Variants in C1orf141 observed in about 807,000 individuals in gnomAD.
The protein encoded by C1orf141 is uncharacterized protein C1orf141.
In C1orf141, 19 loss-of-function variants were observed where a neutral mutation model predicts 23.2. That is an observed-to-expected ratio of 0.82 (90% confidence interval 0.57 to 1.20). The LOEUF (loss-of-function observed/expected upper bound fraction) is 1.20, where lower values mean the gene tolerates loss of function less well. Ranked by LOEUF, C1orf141 falls within the 50% of genes most tolerant of loss-of-function variation. C1orf141 has a pLI of 0.00. For synonymous variants in C1orf141, 153 were observed against 154.6 expected, an observed-to-expected ratio of 0.99 and a Z score of 0.08; for missense variants, 469 against 455.1, an observed-to-expected ratio of 1.03 and a Z score of -0.28.
At chr1:67,101,172 T>C (rs1429865050) in intron 5 of C1orf141, among the ~76,000 whole-genome samples, 1 of 152,110 alleles carries the variant, frequency 6.6e-6, no homozygotes, top group East Asian at 1.9e-4. Context: ...TAGAAAACTG[T>C]ATTTTGTCTC....
At chr1:67,133,789 G>C (rs1386367389) in intron 1 of C1orf141, among the ~76,000 whole-genome samples, 1 of 152,114 alleles carries the variant, frequency 6.6e-6, no homozygotes. Flanking sequence ...CAAGGAGCGA[G>C]GCCTCTGAAG....
intron 5 of C1orf141, among the ~76,000 whole-genome samples, chr1:67,107,636 C>T (rs1645961341): frequency 6.6e-6 from 1 of 152,202 alleles, no homozygotes; most frequent in Admixed American, 6.5e-5. Flanking sequence ...CGCCTGTAAT[C>T]CCCGCACTTT....
At chr1:67,111,696 A>G in intron 5 of C1orf141, 1 of 776,256 alleles carries the variant, frequency 1.3e-6, no homozygotes. Context: ...TTCTAATTAA[A>G]CCCAATCAAC....
At chr1:67,139,824 A>G (rs1207993054), upstream of C1orf141, among the ~76,000 whole-genome samples, 1 of 152,150 alleles carries the variant, frequency 6.6e-6, no homozygotes, top group Non-Finnish European at 1.5e-5. Context: ...TACAGGAAAG[A>G]CCCACTGCAC....
intron 4 of C1orf141, among the ~76,000 whole-genome samples, chr1:67,125,226 C>T (rs910456636): frequency 1.3e-5 from 2 of 151,998 alleles, no homozygotes; most frequent in African/African-American, 4.8e-5. Flanking sequence ...TAAAAATTCA[C>T]AATTGTAATT....
chr1:67,118,496 A>G (rs1646240668), intron 4 of C1orf141, among the ~76,000 whole-genome samples: 1 of 152,130 alleles, frequency 6.6e-6, no homozygotes, highest in South Asian at 2.1e-4. Flanking sequence ...GATTTGCCCC[A>G]TGTCAAATTT....
At chr1:67,119,243 T>C (rs1456308856) in intron 4 of C1orf141, among the ~76,000 whole-genome samples, 1 of 152,158 alleles carries the variant, frequency 6.6e-6, no homozygotes, top group Non-Finnish European at 1.5e-5. Flanking sequence ...TCTGATGAGA[T>C]CTCAGATGGA....
At chr1:67,100,586 C>T (rs1645775242) in intron 5 of C1orf141, among the ~76,000 whole-genome samples, 1 of 152,078 alleles carries the variant, frequency 6.6e-6, no homozygotes, top group Admixed American at 6.6e-5. Context: ...ACAAATTCTG[C>T]CAAAATGTGA....
chr1:67,126,468 T>C (rs1373330207), intron 3 of C1orf141, among the ~76,000 whole-genome samples: 2 of 152,078 alleles, frequency 1.3e-5, no homozygotes, highest in Non-Finnish European at 2.9e-5. Context: ...AGAGCATAGC[T>C]CAAAAGAATA....
intron 4 of C1orf141, among the ~76,000 whole-genome samples, chr1:67,119,103 C>T (rs992957150): frequency 3.3e-5 from 5 of 152,028 alleles, no homozygotes; most frequent in African/African-American, 1.2e-4. Context: ...GCTGACATTG[C>T]CATGAAGGAG....
intron 5 of C1orf141, among the ~76,000 whole-genome samples, chr1:67,096,842 T>C (rs1382406608): frequency 6.6e-6 from 1 of 152,222 alleles, no homozygotes; most frequent in African/African-American, 2.4e-5. Flanking sequence ...TCTAGTGCAG[T>C]ACTTCCCAGT....
At chr1:67,117,727 G>A (rs1646224300) in intron 4 of C1orf141, among the ~76,000 whole-genome samples, 1 of 152,154 alleles carries the variant, frequency 6.6e-6, no homozygotes, top group South Asian at 2.1e-4. Flanking sequence ...TCTTGTTAAG[G>A]AGGTAATATT....
Position 67,096,292 on chromosome 1 carries a change from A to G in C1orf141, c.376T>C (p.Leu126=), listed in dbSNP as rs772634909. ...AQIEKKPRKP[L]DSVGLLEGDR... ...CCTTCTAAGAGACCAACAGAATCCA[A>G]TGGTTTCCTAGGTTTTTTTTCAATT... The change falls in exon 6 of 8, where the codon TTG becomes CTG. Residue 126 remains leucine, a synonymous_variant. Coordinates refer to ENST00000684719, the MANE Select transcript of C1orf141 (RefSeq NM_001276351.2). 1.3e-6 allele frequency: 2 copies of G among 1,535,488 alleles called. No individual in the cohort carries two copies. The highest frequency in any genetic ancestry group is 2.4e-5 in the South Asian group (2 of 83,016).
At position 67,093,361 on chromosome 1, in the gene C1orf141, G is replaced by A. The variant is rs1645595434; in HGVS notation, c.847C>T (p.Pro283Ser). The A allele has an allele frequency of 1.9e-6, 3 of 1,613,618 alleles. No individual in the cohort carries two copies. Among genetic ancestry groups the A allele is most frequent in the African/African-American group, 1.3e-5 (1 of 74,868 alleles). Residue 283 changes from proline (P) to serine (S), a missense_variant, in exon 8 of 8, where the codon CCT becomes TCT. This residue lies in a region of C1orf141 where 370 missense variants were observed against 348.1 expected (regional missense o/e 1.06). Transcript: ENST00000684719. The stretch of plus-strand genomic sequence containing the variant: ...GTGTGGCCCGCTTTAAAAGACATAG[G>A]GATCTGTATATCTTTTCTCTGTACT... ...PTVQRKDIQIPMSFKAGHTTV... is the reference protein window; with the variant it reads ...PTVQRKDIQISMSFKAGHTTV...
In C1orf141 at chr1:67,092,428, G is replaced by GA. The variant is rs1247016729; in HGVS notation, c.*576dup. ...AGTTATTCTTTTATTTAACAATTTAGAAAAAAGTTAAAGTTTGCAAAAACA... is the reference window on the plus strand; with the variant it reads ...AGTTATTCTTTTATTTAACAATTTAGAAAAAAAGTTAAAGTTTGCAAAAACA... On this transcript the variant is annotated 3_prime_UTR_variant, in exon 8 of 8. Transcript: ENST00000684719. 6.6e-6 allele frequency: 1 copy of GA among 152,068 alleles called. No individual in the cohort carries two copies. The highest frequency in any genetic ancestry group is 1.5e-5 in the Non-Finnish European group (1 of 68,002). The allele number at this position is 152,068 out of a possible 1,614,324, so 9.4% of individuals were successfully genotyped here.
At chr1:67,117,014 C>A (rs970058126) in intron 4 of C1orf141, among the ~76,000 whole-genome samples, 15 of 152,154 alleles carry the variant, frequency 9.9e-5, no homozygotes, top group African/African-American at 3.6e-4. Flanking sequence ...TTATCTCTCT[C>A]CCCATCTTAT....
At chr1:67,141,381 T>G (rs1646636086) in intron 1 of C1orf141, among the ~76,000 whole-genome samples, 1 of 152,160 alleles carries the variant, frequency 6.6e-6, no homozygotes, top group African/African-American at 2.4e-5. Context: ...GCCAAAAGAC[T>G]TTTTTCTTCT....
At chr1:67,119,514 A>G (rs1646259899) in intron 4 of C1orf141, among the ~76,000 whole-genome samples, 1 of 152,226 alleles carries the variant, frequency 6.6e-6, no homozygotes, top group Non-Finnish European at 1.5e-5. Flanking sequence ...CCAGAAGTTA[A>G]AGATTTGAAA....
Position 67,093,392 on chromosome 1 carries a change from CAT to C in C1orf141, c.814_815del (p.Met272AlafsTer15), listed in dbSNP as rs1431554796. On this transcript the variant is annotated frameshift_variant, in exon 8 of 8. Coordinates refer to ENST00000684719, the MANE Select transcript of C1orf141 (RefSeq NM_001276351.2). LOFTEE classifies it low-confidence loss of function (END_TRUNC). ...GTATATCTTTTCTCTGTACTGTAGGCATAGTTTTTTGGGGTTTGAAAAGAGAA... is the reference window on the plus strand; with the variant it reads ...GTATATCTTTTCTCTGTACTGTAGGCAGTTTTTTGGGGTTTGAAAAGAGAA... Reference protein sequence around the residue: ...SISLFKPQKTMPTVQRKDIQI... With the variant: ...SISLFKPQKTXPTVQRKDIQI... 6.2e-7 allele frequency: 1 copy of C among 1,613,026 alleles called. No individual in the cohort carries two copies. The highest frequency in any genetic ancestry group is 8.5e-7 in the Non-Finnish European group (1 of 1,179,624).
Sources: gnomAD v4.1 joint callset for allele counts (sites outside exome capture counted in the v4.1 genomes callset) on GRCh38, gnomAD v4.1.1 for gene constraint, gnomAD v4.1.1 regional missense constraint, MANE v1.5 for transcripts, NCBI Gene and HGNC (gene_info 2026-07-23, HGNC 2026-07-21) for gene names.